Variants in CCSER1 observed in about 807,000 individuals in gnomAD.
CCSER1 encodes the protein serine-rich coiled-coil domain-containing protein 1.
Under a neutral mutation model 82.0 loss-of-function variants are expected in CCSER1, and 41 were observed. The ratio of observed to expected loss-of-function variants is 0.50; its 90% CI spans 0.39 to 0.65. The LOEUF is 0.65. Among genes scored for constraint, CCSER1 ranks in the 30% least tolerant of loss-of-function variants. The probability of loss-of-function intolerance (pLI) is 0.00; values close to 1 mark genes in which losing one functional copy is unlikely to be tolerated. For synonymous variants in CCSER1, 414 were observed against 383.9 expected (o/e 1.08, Z -0.92); for missense variants, 1,119 against 1,064.2 (o/e 1.05, Z -0.72).
intron 1 of CCSER1, among the ~76,000 whole-genome samples, chr4:90,242,301 C>T (rs145746624): frequency 7.2e-5 from 11 of 152,048 alleles, no homozygotes; most frequent in East Asian, 3.9e-4. Context: ...AGCAAGACTC[C>T]GTCTCAAAAA....
At chr4:91,577,558 A>G (rs1020546790) in intron 10 of CCSER1, among the ~76,000 whole-genome samples, 1 of 152,082 alleles carries the variant, frequency 6.6e-6, no homozygotes, top group South Asian at 2.1e-4. Context: ...GTATTGGATT[A>G]ATGAACATCA....
intron 10 of CCSER1, among the ~76,000 whole-genome samples, chr4:91,258,117 T>C (rs1249120604): frequency 6.6e-6 from 1 of 151,600 alleles, no homozygotes; most frequent in Admixed American, 6.6e-5. Flanking sequence ...GCTGAACAAA[T>C]GCTGTGGTTG....
chr4:90,929,283 CAAAT>C (rs1349732409), intron 9 of CCSER1, among the ~76,000 whole-genome samples: 3 of 151,994 alleles, frequency 2.0e-5, no homozygotes, highest in African/African-American at 7.2e-5. Flanking sequence ...AAATTTATAA[CAAAT>C]TAATATGCAT....
At chr4:91,105,227 G>A (rs551614844) in intron 10 of CCSER1, among the ~76,000 whole-genome samples, 1 of 151,518 alleles carries the variant, frequency 6.6e-6, no homozygotes, top group South Asian at 2.1e-4. Context: ...GGGGGATAGG[G>A]CTTTACCGTA....
At chr4:90,670,114 G>C (rs1337635655) in intron 6 of CCSER1, among the ~76,000 whole-genome samples, 1 of 152,074 alleles carries the variant, frequency 6.6e-6, no homozygotes, top group African/African-American at 2.4e-5. Context: ...CATTGTTTAT[G>C]CAAAAGCAGC....
chr4:91,567,921 A>T (rs1762974110), intron 10 of CCSER1, among the ~76,000 whole-genome samples: 1 of 152,002 alleles, frequency 6.6e-6, no homozygotes, highest in Admixed American at 6.6e-5. Context: ...TTAGCTGGTT[A>T]TTATGTTGGC....
At position 90,650,573 on chromosome 4, in the gene CCSER1, C is replaced by T. The variant is rs1728572442; in HGVS notation, c.1932+22341C>T. Among the ~76,000 whole-genome samples, 5 of 152,288 alleles carry T rather than the reference C, an allele frequency of 3.3e-5. No homozygotes were observed. The South Asian group carries it at 8.3e-4, about 25-fold the overall frequency. On this transcript the variant is annotated intron_variant, in intron 6 of 10. Transcript: ENST00000509176. ...AATGAAAGGGAATACCATATCAGGT[C>T]CAACCTCTTCAACAGCTAATATCTA...
At chr4:90,940,275 C>T (rs2150325023) in intron 9 of CCSER1, among the ~76,000 whole-genome samples, 1 of 151,646 alleles carries the variant, frequency 6.6e-6, no homozygotes, top group East Asian at 1.9e-4. Context: ...TTCTTCCCTC[C>T]CTCCCTTCCT....
At chr4:90,348,988 T>C (rs529528707) in intron 3 of CCSER1, among the ~76,000 whole-genome samples, 2 of 152,262 alleles carry the variant, frequency 1.3e-5, no homozygotes, top group East Asian at 1.9e-4. Flanking sequence ...ATCTGATGTT[T>C]CCTAAATATA....
chr4:90,913,855 T>TA (rs1726844156), intron 8 of CCSER1, among the ~76,000 whole-genome samples: 1 of 152,016 alleles, frequency 6.6e-6, no homozygotes, highest in African/African-American at 2.4e-5. Flanking sequence ...TAGTCTCTGA[T>TA]AAAACAGCCT....
At chr4:91,433,442 G>T (rs1477323533) in intron 10 of CCSER1, among the ~76,000 whole-genome samples, 1 of 152,180 alleles carries the variant, frequency 6.6e-6, no homozygotes, top group Non-Finnish European at 1.5e-5. Context: ...CTCATTCACT[G>T]ACTCGCCCAA....
intron 5 of CCSER1, among the ~76,000 whole-genome samples, chr4:90,484,818 G>T (rs1766728170): frequency 6.6e-6 from 1 of 152,166 alleles, no homozygotes; most frequent in South Asian, 2.1e-4. Context: ...GGCTACTCGG[G>T]GGTTAGGGAC....
intron 10 of CCSER1, among the ~76,000 whole-genome samples, chr4:91,470,120 C>T (rs1369686375): frequency 6.6e-6 from 1 of 152,172 alleles, no homozygotes; most frequent in Non-Finnish European, 1.5e-5. Context: ...TCTACAGTGC[C>T]ATGGGCTAAT....
chr4:90,293,344 G>A (rs1731272651), intron 1 of CCSER1, among the ~76,000 whole-genome samples: 1 of 151,426 alleles, frequency 6.6e-6, no homozygotes, highest in South Asian at 2.1e-4. Context: ...GTTGTTTCAA[G>A]CTTTCAAGTT....
intron 10 of CCSER1, among the ~76,000 whole-genome samples, chr4:91,369,661 CTTTTTTTTTTTTTT>C (rs573494038): frequency 1.0e-3 from 76 of 73,472 alleles, no homozygotes; most frequent in Middle Eastern, 0.011. Flanking sequence ...TAATCTGTAG[CTTTTTTTTTTTTTT>C]TTTTTTTTTT....
chr4:91,260,336 T>C (rs1415478828), intron 10 of CCSER1, among the ~76,000 whole-genome samples: 1 of 152,146 alleles, frequency 6.6e-6, no homozygotes, highest in African/African-American at 2.4e-5. Context: ...GGCTTGGAGA[T>C]AGGGGAAAAA....
intron 5 of CCSER1, among the ~76,000 whole-genome samples, chr4:90,499,758 T>G (rs1201951813): frequency 6.6e-6 from 1 of 152,158 alleles, no homozygotes; most frequent in Non-Finnish European, 1.5e-5. Flanking sequence ...TAAATGAAAT[T>G]ACATGATTTC....
intron 7 of CCSER1, among the ~76,000 whole-genome samples, chr4:90,801,815 A>G (rs575462820): frequency 1.3e-5 from 2 of 152,378 alleles, no homozygotes; most frequent in African/African-American, 4.8e-5. Flanking sequence ...CAGAGTAAAT[A>G]TAATGTCTAA....
intron 7 of CCSER1, among the ~76,000 whole-genome samples, chr4:90,745,786 C>T (rs905779272): frequency 7.4e-5 from 11 of 148,676 alleles, no homozygotes; most frequent in African/African-American, 2.5e-4. Flanking sequence ...GCCTCCTGGG[C>T]TCACGCCATT....
Sources: gnomAD v4.1 joint callset for allele counts (sites outside exome capture counted in the v4.1 genomes callset) on GRCh38, gnomAD v4.1.1 for gene constraint, MANE v1.5 for transcripts, NCBI Gene and HGNC (gene_info 2026-07-23, HGNC 2026-07-21) for gene names.